WDR59: variants seen among roughly 807,000 people sequenced by gnomAD.
WDR59 encodes GATOR2 complex protein WDR59.
In WDR59, 100 loss-of-function variants were observed where a neutral mutation model predicts 131.2. That is an observed-to-expected ratio of 0.76 (90% CI 0.65 to 0.90). The LOEUF (loss-of-function observed/expected upper bound fraction) is 0.90. WDR59 is among the 40% of genes least tolerant of loss of function. The probability of loss-of-function intolerance (pLI) is 0.00; values close to 1 mark genes in which losing one functional copy is unlikely to be tolerated. For missense variants in WDR59, 1,203 were observed against 1,262.2 expected, an observed-to-expected ratio of 0.95 and a Z score of 0.71; for synonymous variants, 601 against 466.2, an observed-to-expected ratio of 1.29 and a Z score of -3.72.
At chr16:74,906,140 T>C (rs9923211) in intron 17 of WDR59, among the ~76,000 whole-genome samples, 4,649 of 150,760 alleles carry the variant, frequency 0.031, 215 homozygotes, top group African/African-American at 0.1. Flanking sequence ...CGGTGAAACA[T>C]GGTCTCTACT....
At chr16:74,970,757 G>A (rs1020359531) in intron 1 of WDR59, among the ~76,000 whole-genome samples, 24 of 152,022 alleles carry the variant, frequency 1.6e-4, no homozygotes, top group Non-Finnish European at 1.5e-5. Context: ...TCTGTAGTAT[G>A]AAAGATGGTT....
intron 3 of WDR59, among the ~76,000 whole-genome samples, chr16:74,953,048 G>C (rs1405800528): frequency 6.6e-6 from 1 of 152,096 alleles, no homozygotes; most frequent in South Asian, 2.1e-4. Context: ...ACACGACACA[G>C]CGGGTATCAT....
chr16:74,945,792 A>G (rs2032585888), intron 6 of WDR59, among the ~76,000 whole-genome samples: 1 of 151,154 alleles, frequency 6.6e-6, no homozygotes, highest in African/African-American at 2.4e-5. Flanking sequence ...TGAGAGAGAG[A>G]GAGACAGGCC....
chr16:74,914,054 G>A (rs964270029), intron 13 of WDR59, among the ~76,000 whole-genome samples: 4 of 151,804 alleles, frequency 2.6e-5, no homozygotes, highest in African/African-American at 4.8e-5. Context: ...CTAAAAATAC[G>A]AAAAAAAATT....
intron 2 of WDR59, chr16:74,963,140 C>T (rs1033685651): frequency 4.6e-5 from 7 of 152,140 alleles, no homozygotes; most frequent in African/African-American, 1.7e-4. Context: ...CCTGTAGTCC[C>T]AGCTACTCGG....
At chr16:74,882,087 C>G (rs1038123507) in intron 25 of WDR59, among the ~76,000 whole-genome samples, 5 of 152,016 alleles carry the variant, frequency 3.3e-5, no homozygotes, top group African/African-American at 1.2e-4. Flanking sequence ...ACATCTTGAC[C>G]CACCAAACCA....
intron 25 of WDR59, among the ~76,000 whole-genome samples, chr16:74,880,402 G>A (rs952754698): frequency 1.3e-5 from 2 of 152,028 alleles, no homozygotes; most frequent in Non-Finnish European, 2.9e-5. Context: ...AGCCGAGATC[G>A]CGCCACTGCA....
intron 25 of WDR59, among the ~76,000 whole-genome samples, chr16:74,884,048 C>A (rs1238961022): frequency 6.6e-6 from 1 of 152,188 alleles, no homozygotes; most frequent in Non-Finnish European, 1.5e-5. Flanking sequence ...AGGAATCGTC[C>A]AAGTTTCATC....
At chr16:74,884,690 A>G (rs750687318) in intron 25 of WDR59, among the ~76,000 whole-genome samples, 1 of 152,152 alleles carries the variant, frequency 6.6e-6, no homozygotes, top group Non-Finnish European at 1.5e-5. Context: ...CCTGCCTGAT[A>G]TAACCCTAAG....
At chr16:74,901,055 G>A (rs7342788) in intron 18 of WDR59, among the ~76,000 whole-genome samples, 6,738 of 152,250 alleles carry the variant, frequency 0.044, 279 homozygotes, top group African/African-American at 0.11. Context: ...CAGAGACCGC[G>A]CCTTTGCACT....
chr16:74,905,310 G>A (rs540139188), intron 17 of WDR59, among the ~76,000 whole-genome samples: 5 of 152,128 alleles, frequency 3.3e-5, no homozygotes, highest in African/African-American at 1.2e-4. Flanking sequence ...GGGAGGCGGA[G>A]GTTGTGGTGA....
At chr16:74,882,092 A>C (rs899484112) in intron 25 of WDR59, among the ~76,000 whole-genome samples, 3 of 152,050 alleles carry the variant, frequency 2.0e-5, no homozygotes, top group Admixed American at 2.0e-4. Context: ...TTGACCCACC[A>C]AACCACACTT....
chr16:74,878,130 A>G (rs1427755414), intron 25 of WDR59, among the ~76,000 whole-genome samples: 1 of 152,190 alleles, frequency 6.6e-6, no homozygotes, highest in Non-Finnish European at 1.5e-5. Context: ...TATACTTTTA[A>G]TTGGTTTAGC....
intron 8 of WDR59, among the ~76,000 whole-genome samples, chr16:74,937,416 C>T (rs952532344): frequency 1.3e-5 from 2 of 152,168 alleles, no homozygotes; most frequent in African/African-American, 4.8e-5. Context: ...TAATTGTAAA[C>T]TTTGAAACCT....
intron 18 of WDR59, among the ~76,000 whole-genome samples, chr16:74,901,544 G>A (rs749091170): frequency 2.0e-5 from 3 of 151,862 alleles, no homozygotes; most frequent in Non-Finnish European, 2.9e-5. Flanking sequence ...GGAGGCGGCT[G>A]AGGTGGAAGG....
chr16:74,939,324 A>G (rs1452215220), intron 7 of WDR59, among the ~76,000 whole-genome samples: 2 of 152,176 alleles, frequency 1.3e-5, no homozygotes, highest in Non-Finnish European at 2.9e-5. Context: ...TGTTATCTGA[A>G]ACACTAGAAA....
At chr16:74,963,825 A>G (rs1274549701) in intron 2 of WDR59, among the ~76,000 whole-genome samples, 3 of 151,968 alleles carry the variant, frequency 2.0e-5, no homozygotes, top group Non-Finnish European at 2.9e-5. Context: ...TGAGTCTGGG[A>G]TGTCAAGGCT....
intron 1 of WDR59, 192 bp downstream of exon 1, chr16:74,984,772 G>A (rs898096521): frequency 2.8e-6 from 2 of 719,540 alleles, no homozygotes; most frequent in African/African-American, 1.8e-5. Flanking sequence ...CTCCGTCCAT[G>A]CTCGCCCCGA....
intron 13 of WDR59, among the ~76,000 whole-genome samples, chr16:74,914,814 G>A (rs890815794): frequency 1.3e-5 from 2 of 152,018 alleles, no homozygotes; most frequent in African/African-American, 2.4e-5. Flanking sequence ...AGAAGGTGTC[G>A]ATCTCTTCAC....
Sources: allele counts gnomAD v4.1 joint callset (sites outside exome capture counted in the v4.1 genomes callset), GRCh38; gene constraint gnomAD v4.1.1; transcripts MANE v1.5; gene names NCBI Gene and HGNC (gene_info 2026-07-23, HGNC 2026-07-21).